Variants in PPARGC1A observed in about 807,000 individuals in gnomAD.
PPARGC1A encodes the protein PPARG coactivator 1 alpha, also known as peroxisome proliferator-activated receptor gamma coactivator 1-alpha.
PPARGC1A carries 25 observed loss-of-function variants against 88.7 expected under a neutral mutation model. That is an observed-to-expected ratio of 0.28 (90% CI 0.21 to 0.39). PPARGC1A has a LOEUF of 0.39. Among genes scored for constraint, PPARGC1A ranks in the 10% least tolerant of loss-of-function variants. The pLI is 1.00. For missense variants in PPARGC1A, 880 were observed against 968.7 expected, an observed-to-expected ratio of 0.91 and a Z score of 1.22; for synonymous variants, 363 against 355.6, an observed-to-expected ratio of 1.02 and a Z score of -0.24.
chr4:23,918,873 T>C, the PPARGC1A span, among the ~76,000 whole-genome samples: 1 of 152,136 alleles, frequency 6.6e-6, no homozygotes, highest in East Asian at 1.9e-4. Flanking sequence ...GGCCTCTGTG[T>C]CAAGGATTTG....
the PPARGC1A span, among the ~76,000 whole-genome samples, chr4:24,227,974 G>A: frequency 1.3e-5 from 2 of 152,174 alleles, no homozygotes; most frequent in African/African-American, 2.4e-5. Context: ...TTCCCCATCC[G>A]ATTATAGTGG....
intron 2 of PPARGC1A, among the ~76,000 whole-genome samples, chr4:23,858,579 C>T (rs551767505): frequency 1.3e-5 from 2 of 152,276 alleles, no homozygotes; most frequent in Admixed American, 6.5e-5. Flanking sequence ...GGGCAAGCCC[C>T]TTTAAGTCCT....
the PPARGC1A span, among the ~76,000 whole-genome samples, chr4:23,942,176 G>T: frequency 3.9e-5 from 6 of 152,210 alleles, no homozygotes; most frequent in African/African-American, 1.4e-4. Context: ...AGCAATCCAT[G>T]CATGTTCTAA....
At chr4:24,030,428 T>A in the PPARGC1A span, among the ~76,000 whole-genome samples, 2 of 152,222 alleles carry the variant, frequency 1.3e-5, no homozygotes, top group Non-Finnish European at 2.9e-5. Context: ...TAAGTTAGAT[T>A]TGAGAAGTTA....
chr4:24,171,289 C>A, the PPARGC1A span, among the ~76,000 whole-genome samples: 2 of 151,984 alleles, frequency 1.3e-5, no homozygotes, highest in African/African-American at 2.4e-5. Flanking sequence ...ACCTGTACTC[C>A]CAGCTACTTG....
At chr4:24,091,223 A>G in the PPARGC1A span, among the ~76,000 whole-genome samples, 2 of 152,252 alleles carry the variant, frequency 1.3e-5, no homozygotes, top group South Asian at 4.1e-4. Flanking sequence ...TTAAGAAAGC[A>G]TAAATTTAGC....
rs1713925569 is a variant in PPARGC1A, at chr4:23,873,217, T to TA, written c.234+11534dup. Among the ~76,000 whole-genome samples, 2 of 106,090 alleles carry TA rather than the reference T, an allele frequency of 1.9e-5. 1 individual carries two copies. The highest frequency in any genetic ancestry group is 6.7e-5 in the African/African-American group (2 of 30,020). 69.6% of individuals were successfully genotyped at this position (106,090 alleles called of 152,430 possible). ...CGTCTCAAAAATAAAAAATAAAAAATAAAAAATAAAGAAAAAAATGTGACC... is the reference window on the plus strand; with the variant it reads ...CGTCTCAAAAATAAAAAATAAAAAATAAAAAAATAAAGAAAAAAATGTGACC... On this transcript the variant is annotated intron_variant, in intron 2 of 12. Transcript: ENST00000264867.
the PPARGC1A span, among the ~76,000 whole-genome samples, chr4:24,256,867 T>C: frequency 6.6e-6 from 1 of 152,158 alleles, no homozygotes; most frequent in East Asian, 1.9e-4. Flanking sequence ...CTGGAGAAGA[T>C]AGATTCTCAG....
intron 2 of PPARGC1A, among the ~76,000 whole-genome samples, chr4:23,877,292 G>A (rs1434612449): frequency 2.7e-5 from 4 of 145,494 alleles, no homozygotes; most frequent in Non-Finnish European, 4.5e-5. Flanking sequence ...CGAGGCAGGC[G>A]AATCACGAGG....
the PPARGC1A span, among the ~76,000 whole-genome samples, chr4:24,341,763 A>G: frequency 1.6e-4 from 24 of 152,220 alleles, no homozygotes; most frequent in Admixed American, 5.9e-4. Flanking sequence ...TGTTTGAGAC[A>G]TGCAACACAC....
At chr4:24,099,137 A>G in the PPARGC1A span, among the ~76,000 whole-genome samples, 3 of 151,462 alleles carry the variant, frequency 2.0e-5, no homozygotes, top group Non-Finnish European at 2.9e-5. Flanking sequence ...TTTAAAGACT[A>G]TCTGAAGTCA....
the PPARGC1A span, among the ~76,000 whole-genome samples, chr4:24,270,290 C>T: frequency 6.6e-6 from 1 of 150,570 alleles, no homozygotes; most frequent in African/African-American, 2.5e-5. Flanking sequence ...TAAGTCAATC[C>T]CTTATAATAA....
the PPARGC1A span, among the ~76,000 whole-genome samples, chr4:24,119,115 C>T: frequency 1.3e-5 from 2 of 152,154 alleles, no homozygotes; most frequent in African/African-American, 2.4e-5. Context: ...GATGGTGAGC[C>T]TGCTTTCCTT....
chr4:24,366,001 G>A, the PPARGC1A span, among the ~76,000 whole-genome samples: 2 of 152,096 alleles, frequency 1.3e-5, no homozygotes, highest in African/African-American at 4.8e-5. Context: ...TCAACTTGTG[G>A]AGAGGAAGTA....
chr4:24,192,098 G>A, the PPARGC1A span, among the ~76,000 whole-genome samples: 1 of 152,236 alleles, frequency 6.6e-6, no homozygotes, highest in South Asian at 2.1e-4. Flanking sequence ...TTATTTTCCT[G>A]TTCTTTCTTT....
chr4:24,365,738 C>T, the PPARGC1A span, among the ~76,000 whole-genome samples: 2 of 152,028 alleles, frequency 1.3e-5, no homozygotes, highest in Non-Finnish European at 2.9e-5. Flanking sequence ...TAAGTAAACA[C>T]TGAGGTCTTT....
chr4:24,199,088 G>GA, the PPARGC1A span, among the ~76,000 whole-genome samples: 1 of 152,242 alleles, frequency 6.6e-6, no homozygotes, highest in South Asian at 2.1e-4. Context: ...TTGATTGGAA[G>GA]AAGGATGTAT....
chr4:24,116,419 ACT>A, the PPARGC1A span, among the ~76,000 whole-genome samples: 1 of 152,162 alleles, frequency 6.6e-6, no homozygotes, highest in Non-Finnish European at 1.5e-5. Context: ...AGGAGCTCAC[ACT>A]CTATGTGTTT....
chr4:23,920,823 T>C, the PPARGC1A span, among the ~76,000 whole-genome samples: 1 of 152,176 alleles, frequency 6.6e-6, no homozygotes, highest in Non-Finnish European at 1.5e-5. Flanking sequence ...CAGGACAGAC[T>C]CAGGTTCCTA....
Sources: allele counts gnomAD v4.1 joint callset (sites outside exome capture counted in the v4.1 genomes callset), GRCh38; gene constraint gnomAD v4.1.1; transcripts MANE v1.5; gene names NCBI Gene and HGNC (gene_info 2026-07-23, HGNC 2026-07-21).